Variants in ADAR observed in about 807,000 individuals in gnomAD.
ADAR encodes the protein adenosine deaminase RNA specific.
In ADAR, 41 loss-of-function variants were observed where a neutral mutation model predicts 113.2. That is an observed-to-expected ratio of 0.36 (90% CI 0.28 to 0.47). The LOEUF is 0.47. ADAR is among the 20% of genes least tolerant of loss of function. The pLI, the probability that ADAR is intolerant of heterozygous loss-of-function variation, is 1.00. For synonymous variants in ADAR, 605 were observed against 572.6 expected (o/e 1.06, Z -0.81); for missense variants, 1,242 against 1,540.9 (o/e 0.81, Z 3.25).
At chr1:154,607,911 C>G in intron 1 of ADAR, 81 bp downstream of exon 1, 2 of 1,593,722 alleles carry the variant, frequency 1.3e-6, no homozygotes, top group South Asian at 2.3e-5. Context: ...AAGACGCACA[C>G]GCTACGCACT....
intron 1 of ADAR, among the ~76,000 whole-genome samples, chr1:154,620,724 G>C (rs987168708): frequency 2.6e-5 from 4 of 152,160 alleles, no homozygotes; most frequent in African/African-American, 9.7e-5. Context: ...TTGGCCTTTG[G>C]GGGTAGTGGT....
chr1:154,606,226 G>C (rs1180420810), intron 1 of ADAR, among the ~76,000 whole-genome samples: 1 of 152,180 alleles, frequency 6.6e-6, no homozygotes, highest in Non-Finnish European at 1.5e-5. Context: ...ATTTTTAGTA[G>C]AGATGGGGTT....
intron 3 of ADAR, 137 bp from the exon 4 acceptor site, chr1:154,598,113 C>A (rs564496601): frequency 5.5e-5 from 57 of 1,037,404 alleles, no homozygotes; most frequent in Admixed American, 3.0e-4. Flanking sequence ...AAAGGGGCTG[C>A]TGGAGCTCTC....
Position 154,588,710 on chromosome 1 carries a change from A to G in ADAR, c.2763-37T>C, listed in dbSNP as rs1696930212. ...AAGTCTGGTTAGGAAGGCAGGTTCA[A>G]TTCTGGGAAAAGCAGTTGTTTCTAT... On this transcript the variant is annotated intron_variant, in intron 9 of 14. Coordinates refer to ENST00000368474, the MANE Select transcript of ADAR (RefSeq NM_001111.5). 3 of 1,613,850 alleles carry G rather than the reference A, an allele frequency of 1.9e-6. No homozygotes were observed. The African/African-American group carries it at 4.0e-5, about 21-fold the overall frequency.
chr1:154,622,484 C>T (rs1250425415), intron 1 of ADAR, among the ~76,000 whole-genome samples: 1 of 152,230 alleles, frequency 6.6e-6, no homozygotes, highest in Non-Finnish European at 1.5e-5. Flanking sequence ...CAGTGCCTGT[C>T]ACCTTGTAAG....
Position 154,601,503 on chromosome 1 carries a change from A to C in ADAR, c.1139T>G (p.Ile380Ser). The C allele has an allele frequency of 6.2e-7, 1 of 1,613,974 alleles. No homozygotes were observed. The highest frequency in any genetic ancestry group is 8.5e-7 in the Non-Finnish European group (1 of 1,180,002). The change falls in exon 2 of 15, where the codon ATC becomes AGC. Residue 380 changes from isoleucine (I) to serine (S), a missense_variant. By Grantham distance (142) the Ile-to-Ser change is moderately radical. Around this residue, in one of 2 missense-constraint regions of ADAR, gnomAD observed 462 missense variants for 483.1 expected, o/e 0.96. Coordinates refer to ENST00000368474, the MANE Select transcript of ADAR (RefSeq NM_001111.5). This position sits in a 1 kb window ranked among gnomAD's most constrained non-coding sequence, Gnocchi z 4.7. Reference sequence around the variant, plus strand: ...CTCTGCGTTTCTTTTGGTCTCAGGGATTGCAGCTGGAGCGGTTTCAGGAAC... The same window carrying C: ...CTCTGCGTTTCTTTTGGTCTCAGGGCTTGCAGCTGGAGCGGTTTCAGGAAC... ...NSVPETAPAA[I>S]PETKRNAEFL...
intron 7 of ADAR, 91 bp from the exon 8 acceptor site, chr1:154,590,019 G>GGTCT: frequency 7.8e-6 from 12 of 1,546,956 alleles, no homozygotes; most frequent in Non-Finnish European, 1.1e-5. Context: ...TCTACTTGTC[G>GGTCT]TGTGAGTCAT....
At chr1:154,626,680 T>G (rs1698946777) in intron 1 of ADAR, among the ~76,000 whole-genome samples, 1 of 152,200 alleles carries the variant, frequency 6.6e-6, no homozygotes, top group Non-Finnish European at 1.5e-5. Context: ...TTCTGACACC[T>G]CGGGCAAGGT....
At chr1:154,591,602 A>G (rs370349946) in intron 6 of ADAR, among the ~76,000 whole-genome samples, 1 of 152,380 alleles carries the variant, frequency 6.6e-6, no homozygotes, top group Admixed American at 6.5e-5. Flanking sequence ...TGGTGGAGCA[A>G]AACAGCTTGG....
intron 1 of ADAR, among the ~76,000 whole-genome samples, chr1:154,613,291 T>C (rs1243599408): frequency 1.4e-5 from 2 of 146,722 alleles, no homozygotes; most frequent in Admixed American, 6.8e-5. Context: ...CTTTTTTTTT[T>C]TTTTTTTTTT....
chr1:154,607,807 A>G (rs901672941), intron 1 of ADAR, among the ~76,000 whole-genome samples, 185 bp downstream of exon 1: 4 of 151,732 alleles, frequency 2.6e-5, no homozygotes, highest in Non-Finnish European at 4.4e-5. Context: ...AAGACGACAC[A>G]CACCCACACA....
rs201814017 is a variant in ADAR at position 154,586,374 on chromosome 1, G to C, written c.3020-11C>G. The C allele has an allele frequency of 1.2e-6, 2 of 1,613,538 alleles. No individual in the cohort carries two copies. Among genetic ancestry groups the C allele is most frequent in the East Asian group, 4.5e-5 (2 of 44,882 alleles). On this transcript the variant is annotated splice_polypyrimidine_tract_variant and intron_variant, in intron 11 of 14. Transcript: ENST00000368474. ...GGATTGTGCCTTCTCCTGTGTGAGA[G>C]ACTTGGGTCAGACCCACAGGCGCCA...
intron 6 of ADAR, among the ~76,000 whole-genome samples, chr1:154,595,989 TAC>T (rs1219143289): frequency 3.9e-5 from 6 of 152,198 alleles, no homozygotes; most frequent in Non-Finnish European, 7.3e-5. Context: ...CAGTATTCAC[TAC>T]AGTTACATGC....
chr1:154,608,321 G>A (rs2101672141), upstream of ADAR: 1 of 437,652 alleles, frequency 2.3e-6, no homozygotes, highest in Non-Finnish European at 4.0e-6. Context: ...TGAGAACTAC[G>A]GAAGGTACTT....
chr1:154,593,185 G>A (rs574426163), intron 6 of ADAR, among the ~76,000 whole-genome samples: 4 of 142,882 alleles, frequency 2.8e-5, no homozygotes, highest in African/African-American at 5.1e-5. Flanking sequence ...ATTAGTTAAC[G>A]TCACCAGCCA....
At chr1:154,598,855 ATCTCT>A (rs1697682526) in intron 2 of ADAR, among the ~76,000 whole-genome samples, 1 of 152,262 alleles carries the variant, frequency 6.6e-6, no homozygotes, top group Non-Finnish European at 1.5e-5. Flanking sequence ...GAAACCCACT[ATCTCT>A]TTAACAATGA....
chr1:154,585,456 C>T (rs999389604), intron 13 of ADAR, 112 bp from the exon 14 acceptor site: 5 of 1,516,758 alleles, frequency 3.3e-6, no homozygotes, highest in Admixed American at 1.8e-5. Context: ...TGATCTTTCC[C>T]CTGTATTTAG....
chr1:154,592,169 C>T (rs1271006155), intron 6 of ADAR, among the ~76,000 whole-genome samples: 2 of 152,158 alleles, frequency 1.3e-5, no homozygotes, highest in Non-Finnish European at 2.9e-5. Flanking sequence ...GCCAGCTCTG[C>T]GCTTCTCCCA....
At chr1:154,614,329 C>A (rs1036855035) in intron 1 of ADAR, among the ~76,000 whole-genome samples, 2 of 152,226 alleles carry the variant, frequency 1.3e-5, no homozygotes, top group African/African-American at 2.4e-5. Context: ...CTGGCTAGCA[C>A]AGAGGTTCCG....
Sources: gnomAD v4.1 joint callset for allele counts (sites outside exome capture counted in the v4.1 genomes callset) on GRCh38, gnomAD v4.1.1 for gene constraint, gnomAD v4.1.1 regional missense constraint, Gnocchi (gnomAD v3.1) non-coding constraint, MANE v1.5 for transcripts, NCBI Gene and HGNC (gene_info 2026-07-23, HGNC 2026-07-21) for gene names.